The following PRKCQ variants were observed in gnomAD, a reference collection of about 807,000 sequenced individuals.
The protein encoded by PRKCQ is protein kinase C theta type.
A neutral mutation model predicts 91.2 loss-of-function variants in PRKCQ; 41 were observed. The observed-to-expected ratio is 0.45, with a 90% CI of 0.35 to 0.58. The LOEUF is 0.58. PRKCQ is among the 20% of genes least tolerant of loss of function. PRKCQ has a pLI of 0.00. For missense variants in PRKCQ, 673 were observed against 896.5 expected, an observed-to-expected ratio of 0.75 and a Z score of 3.18; for synonymous variants, 307 against 316.9, an observed-to-expected ratio of 0.97 and a Z score of 0.33.
intron 1 of PRKCQ, among the ~76,000 whole-genome samples, chr10:6,561,591 G>A (rs923442569): frequency 6.6e-6 from 1 of 152,122 alleles, no homozygotes; most frequent in Non-Finnish European, 1.5e-5. Flanking sequence ...AGTTACAAAG[G>A]CCTATGCCAA....
At chr10:6,520,973 T>C (rs1277395156) in intron 1 of PRKCQ, among the ~76,000 whole-genome samples, 1 of 152,160 alleles carries the variant, frequency 6.6e-6, no homozygotes, top group Non-Finnish European at 1.5e-5. Flanking sequence ...ACGAGTGCAT[T>C]TGGGTGCCTT....
At chr10:6,424,488 G>A (rs1448235524), downstream of PRKCQ, among the ~76,000 whole-genome samples, 1 of 152,124 alleles carries the variant, frequency 6.6e-6, no homozygotes, top group Non-Finnish European at 1.5e-5. Flanking sequence ...CCGAAGTTGG[G>A]AAAGGACAGA....
intron 1 of PRKCQ, among the ~76,000 whole-genome samples, chr10:6,566,605 T>C (rs923912247): frequency 1.3e-5 from 2 of 152,162 alleles, no homozygotes; most frequent in East Asian, 3.9e-4. Context: ...CACAACGAGA[T>C]TCAGTGGCCT....
intron 7 of PRKCQ, among the ~76,000 whole-genome samples, chr10:6,495,802 T>C (rs537361237): frequency 1.3e-5 from 2 of 152,240 alleles, no homozygotes; most frequent in East Asian, 3.9e-4. Flanking sequence ...AGACTACAGA[T>C]GGCAGGATGG....
At chr10:6,415,264 G>A in the PRKCQ span, among the ~76,000 whole-genome samples, 1 of 151,398 alleles carries the variant, frequency 6.6e-6, no homozygotes, top group Non-Finnish European at 1.5e-5. Context: ...CGCCTGGCCT[G>A]ATGAAGACTT....
At chr10:6,448,308 G>A (rs924381930) in intron 15 of PRKCQ, among the ~76,000 whole-genome samples, 9 of 152,186 alleles carry the variant, frequency 5.9e-5, no homozygotes, top group Admixed American at 2.6e-4. Context: ...TCCTAAAGCC[G>A]GTGGCAACTT....
chr10:6,433,758 C>T (rs187930144), intron 16 of PRKCQ, among the ~76,000 whole-genome samples: 160 of 152,138 alleles, frequency 1.1e-3, no homozygotes, highest in Middle Eastern at 3.4e-3. Context: ...GGGCTGGGCA[C>T]GGTGGCTCAT....
intron 3 of PRKCQ, among the ~76,000 whole-genome samples, chr10:6,507,732 TA>T (rs1309187378): frequency 1.3e-5 from 2 of 152,196 alleles, no homozygotes; most frequent in African/African-American, 4.8e-5. Flanking sequence ...AAAACTTACA[TA>T]AGGAAGAAAT....
chr10:6,415,593 A>G, the PRKCQ span, among the ~76,000 whole-genome samples: 1 of 151,690 alleles, frequency 6.6e-6, no homozygotes, highest in East Asian at 1.9e-4. Flanking sequence ...ACTGCACACC[A>G]GTGGTTAAAG....
chr10:6,516,450 C>A (rs1341658832), intron 1 of PRKCQ, among the ~76,000 whole-genome samples: 1 of 152,196 alleles, frequency 6.6e-6, no homozygotes, highest in East Asian at 1.9e-4. Context: ...AGATGACTTA[C>A]AAATTTGTCT....
At chr10:6,423,478 C>T (rs11258690), downstream of PRKCQ, among the ~76,000 whole-genome samples, 1,246 of 152,232 alleles carry the variant, frequency 8.2e-3, 21 homozygotes, top group African/African-American at 0.028. Context: ...CCCGGCCTGC[C>T]GTCGGCTGGG....
chr10:6,510,246 TTTGA>T (rs1218229322), intron 3 of PRKCQ, among the ~76,000 whole-genome samples: 3 of 152,232 alleles, frequency 2.0e-5, no homozygotes, highest in African/African-American at 4.8e-5. Context: ...TTTTTAACGC[TTTGA>T]TTATTTTACT....
chr10:6,540,586 G>A (rs1204015150), intron 1 of PRKCQ, among the ~76,000 whole-genome samples: 3 of 152,210 alleles, frequency 2.0e-5, no homozygotes, highest in Admixed American at 6.5e-5. Flanking sequence ...TTTTAAGGAT[G>A]AGTGATATTC....
At chr10:6,417,616 G>A in the PRKCQ span, among the ~76,000 whole-genome samples, 5 of 152,188 alleles carry the variant, frequency 3.3e-5, no homozygotes, top group African/African-American at 9.7e-5. Context: ...CATCTTCCCC[G>A]ATGGTGGCTG....
At chr10:6,529,221 C>T (rs1328403058) in intron 1 of PRKCQ, among the ~76,000 whole-genome samples, 1 of 152,168 alleles carries the variant, frequency 6.6e-6, no homozygotes, top group Non-Finnish European at 1.5e-5. Flanking sequence ...AACTCAGCCT[C>T]CCTGGCATCA....
intron 1 of PRKCQ, among the ~76,000 whole-genome samples, chr10:6,567,146 A>G (rs1840864112): frequency 6.6e-6 from 1 of 152,220 alleles, no homozygotes; most frequent in African/African-American, 2.4e-5. Flanking sequence ...CACTAATGAG[A>G]AGGATAGAAG....
chr10:6,576,932 G>A lies in PRKCQ; in HGVS notation c.-10+3279C>T, dbSNP rs985674540. On this transcript the variant is annotated intron_variant, in intron 1 of 17. Coordinates refer to ENST00000263125, the MANE Select transcript of PRKCQ (RefSeq NM_006257.5). The surrounding 1 kb of genome is among the most constrained non-coding windows in gnomAD (Gnocchi z 4.2). ...ATCTAATTTATAAAGGCTTTTGGAG[G>A]TTAAATGAAGCAGTAATGCCTCTTA... Among the ~76,000 whole-genome samples the A allele has an allele frequency of 2.0e-5, 3 of 152,068 alleles. No homozygotes were observed. The highest frequency in any genetic ancestry group is 4.4e-5 in the Non-Finnish European group (3 of 68,024).
chr10:6,409,449 T>C, the PRKCQ span, among the ~76,000 whole-genome samples: 1 of 152,082 alleles, frequency 6.6e-6, no homozygotes, highest in Non-Finnish European at 1.5e-5. Flanking sequence ...CATGCACCAC[T>C]GTGCCTGGCT....
rs974033648 is a variant in PRKCQ at position 6,564,354 on chromosome 10, C to T, written c.-10+15857G>A. Among the ~76,000 whole-genome samples the T allele has an allele frequency of 8.5e-5, 13 of 152,192 alleles. No homozygotes were observed. The South Asian group carries it at 1.0e-3, about 12-fold the overall frequency. ...TGGCTGCAATACTATTGCTCGATGG[C>T]GTTTTCAAAGGCAGCTGCTGCAGCC... On this transcript the variant is annotated intron_variant, in intron 1 of 17. Transcript: ENST00000263125.
Sources: allele counts gnomAD v4.1 joint callset (sites outside exome capture counted in the v4.1 genomes callset), GRCh38; gene constraint gnomAD v4.1.1; non-coding constraint Gnocchi (gnomAD v3.1); transcripts MANE v1.5; gene names NCBI Gene and HGNC (gene_info 2026-07-23, HGNC 2026-07-21).